NPR1: variants seen among roughly 807,000 people sequenced by gnomAD.
NPR1 encodes the protein natriuretic peptide receptor 1.
NPR1 carries 57 observed loss-of-function variants against 116.9 expected under a neutral mutation model. The ratio of observed to expected loss-of-function variants is 0.49; its 90% CI spans 0.39 to 0.61. The LOEUF (loss-of-function observed/expected upper bound fraction) is 0.61. Ranked by LOEUF, NPR1 falls within the 20% of genes least tolerant of loss-of-function variation. NPR1 has a pLI of 0.00. For synonymous variants in NPR1, 555 were observed against 601.6 expected (o/e 0.92, Z 1.13); for missense variants, 1,096 against 1,409.8 (o/e 0.78, Z 3.56).
chr1:153,679,212 TGACGGTA>T lies in NPR1; in HGVS notation c.106_112del (p.Thr36ProfsTer29). On this transcript the variant is annotated frameshift_variant, in exon 1 of 22. Transcript: ENST00000368680. LOFTEE classifies it high-confidence loss of function. The surrounding 1 kb of genome is among the most constrained non-coding windows in gnomAD (Gnocchi z 4.2). ...CTCCGGGGCAGCCACGCGGGCAACCTGACGGTAGCCGTGGTACTGCCGCTGGCCAATA... is the reference window on the plus strand; with the variant it reads ...CTCCGGGGCAGCCACGCGGGCAACCTGCCGTGGTACTGCCGCTGGCCAATA... 1 of 1,520,888 alleles carries T rather than the reference TGACGGTA, an allele frequency of 6.6e-7. No individual in the cohort carries two copies. Among genetic ancestry groups the T allele is most frequent in the Non-Finnish European group, 8.8e-7 (1 of 1,138,884 alleles). 94.2% of individuals were successfully genotyped at this position (1,520,888 alleles called of 1,614,324 possible).
rs569549554 is a variant in NPR1, at chr1:153,682,991, G to A, written c.1264-385G>A. ...ATCCAGAGAAGGCCTCCTGGAAGAC[G>A]GGCACATGGACTGGGCCTGCGAATG... On this transcript the variant is annotated intron_variant, in intron 5 of 21. Transcript: ENST00000368680. Among the ~76,000 whole-genome samples, 14 of 152,346 alleles carry A rather than the reference G, an allele frequency of 9.2e-5. No homozygotes were observed. The South Asian group carries it at 1.9e-3, about 20-fold the overall frequency.
chr1:153,682,431 G>A, intron 4 of NPR1, 67 bp from the exon 5 acceptor site: 1 of 1,125,194 alleles, frequency 8.9e-7, no homozygotes, highest in Non-Finnish European at 1.4e-6. Flanking sequence ...AGAGGATGAA[G>A]AGATGAAGTG....
chr1:153,688,880 C>T (rs1239629203), intron 15 of NPR1, 73 bp from the exon 16 acceptor site: 4 of 1,575,084 alleles, frequency 2.5e-6, no homozygotes, highest in African/African-American at 2.8e-5. Flanking sequence ...GGGGGAAGTG[C>T]CTAGGGGCGG....
Position 153,693,693 on chromosome 1 carries a change from G to A in NPR1, c.*279G>A, listed in dbSNP as rs770609458. The A allele has an allele frequency of 9.1e-5, 38 of 416,922 alleles. No homozygotes were observed. The highest frequency in any genetic ancestry group is 3.6e-4 in the South Asian group (4 of 11,082). 25.8% of individuals were successfully genotyped at this position (416,922 alleles called of 1,614,324 possible). On this transcript the variant is annotated 3_prime_UTR_variant, in exon 22 of 22. Coordinates refer to ENST00000368680, the MANE Select transcript of NPR1 (RefSeq NM_000906.4). Reference sequence around the variant, plus strand: ...TGCTCTCCACCTGGACTCAGGCCGGGCTGGGCTGTGGATTCCTGATCCCCT... The same window carrying A: ...TGCTCTCCACCTGGACTCAGGCCGGACTGGGCTGTGGATTCCTGATCCCCT...
At chr1:153,686,923 G>A in intron 11 of NPR1, 93 bp from the exon 12 acceptor site, 2 of 1,411,664 alleles carry the variant, frequency 1.4e-6, no homozygotes, top group Non-Finnish European at 2.0e-6. Flanking sequence ...GTTTTGTCCT[G>A]TTCTACCAGT....
At position 153,688,044 on chromosome 1, in the gene NPR1, C is replaced by G. The variant is rs143506488; in HGVS notation, c.2249-9C>G. ...CCCACCCCTCAGCTCCTCTACCCCC[C>G]CAATACAGAGATCATCGAGCGGGTG... On this transcript the variant is annotated splice_polypyrimidine_tract_variant and intron_variant, in intron 14 of 21. Coordinates refer to ENST00000368680, the MANE Select transcript of NPR1 (RefSeq NM_000906.4). The G allele has an allele frequency of 8.8e-6, 14 of 1,598,326 alleles. No individual in the cohort carries two copies. The highest frequency in any genetic ancestry group is 1.2e-5 in the Non-Finnish European group (14 of 1,169,998).
In NPR1 at chr1:153,688,138, G is replaced by A. The variant is rs749559445; in HGVS notation, c.2334G>A (p.Leu778=). The A allele has an allele frequency of 6.8e-6, 11 of 1,613,740 alleles. No homozygotes were observed. The highest frequency in any genetic ancestry group is 8.5e-6 in the Non-Finnish European group (10 of 1,179,866). The change falls in exon 15 of 22, where the codon CTG becomes CTA. Residue 778 remains leucine (L), a synonymous_variant. Coordinates refer to ENST00000368680, the MANE Select transcript of NPR1 (RefSeq NM_000906.4). ...ALQSHLEELG[L]LMQRCWAEDP... ...AGAGTCACCTGGAGGAGTTGGGGCT[G>A]CTCATGCAGCGGTGCTGGGCTGAGG... is the stretch of plus-strand genomic sequence containing the variant.
At chr1:153,691,385 G>A (rs1279023111) in intron 20 of NPR1, among the ~76,000 whole-genome samples, 1 of 152,200 alleles carries the variant, frequency 6.6e-6, no homozygotes, top group African/African-American at 2.4e-5. Flanking sequence ...TGACTACTGA[G>A]TGCCAGGCCC....
Position 153,693,155 on chromosome 1 carries a change from T to G in NPR1, c.3081T>G (p.Phe1027Leu). 1 of 1,614,094 alleles carries G rather than the reference T, an allele frequency of 6.2e-7. No individual in the cohort carries two copies. The highest frequency in any genetic ancestry group is 8.5e-7 in the Non-Finnish European group (1 of 1,179,980). Residue 1027 changes from phenylalanine to leucine, a missense_variant, in exon 21 of 22, where the codon TTT (phenylalanine) becomes TTG (leucine). Coordinates refer to ENST00000368680, the MANE Select transcript of NPR1 (RefSeq NM_000906.4). ...AGACCAAGGCTGTCCTGGAGGAGTT[T>G]GGTGGTTTCGAGCTGGAGCTTCGAG... ...SSETKAVLEE[F>L]GGFELELRGD... is the part of the protein sequence containing the mutation.
Position 153,679,555 on chromosome 1 carries a change from G to T in NPR1, c.447G>T (p.Lys149Asn), listed in dbSNP as rs1669702416. The T allele has an allele frequency of 1.3e-6, 2 of 1,550,202 alleles. No homozygotes were observed. Among genetic ancestry groups the T allele is most frequent in the African/African-American group, 2.7e-5 (2 of 73,408 alleles). ...AGAPALGFGV[K>N]DEYALTTRAG... ...CCCCGGCGCTGGGCTTCGGTGTCAA[G>T]GACGAGTATGCGCTGACCACCCGCG... The change falls in exon 1 of 22, where the codon AAG becomes AAT. Residue 149 changes from lysine (K) to asparagine (N), a missense_variant. By Grantham distance (94) the Lys-to-Asn change is moderately conservative. Transcript: ENST00000368680. The surrounding 1 kb of genome is among the most constrained non-coding windows in gnomAD (Gnocchi z 4.2).
chr1:153,686,628 T>G lies in NPR1; in HGVS notation c.1759-18T>G. ...AGCGAGGTCTCTGTCAAGCTCCTGA[T>G]GCTGGTCCCACTTGCAGATGCGGGA... On this transcript the variant is annotated intron_variant, in intron 10 of 21. Transcript: ENST00000368680. The G allele has an allele frequency of 1.2e-6, 2 of 1,609,392 alleles. No homozygotes were observed. The highest frequency in any genetic ancestry group is 2.2e-5 in the South Asian group (2 of 90,674).
chr1:153,685,207 C>G, intron 8 of NPR1, 123 bp downstream of exon 8: 6 of 1,312,446 alleles, frequency 4.6e-6, no homozygotes, highest in South Asian at 1.5e-5. Flanking sequence ...TGCTGTGTGA[C>G]CTTGAGCGAC....
At position 153,689,591 on chromosome 1, in the gene NPR1, G is replaced by C; in HGVS notation, c.2757+70G>C. 6.9e-7 allele frequency: 1 copy of C among 1,451,460 alleles called. No homozygotes were observed. The highest frequency in any genetic ancestry group is 9.7e-7 in the Non-Finnish European group (1 of 1,034,900). 89.9% of individuals were successfully genotyped at this position (1,451,460 alleles called of 1,614,324 possible). On this transcript the variant is annotated intron_variant, in intron 18 of 21. Coordinates refer to ENST00000368680, the MANE Select transcript of NPR1 (RefSeq NM_000906.4). This position sits in a 1 kb window ranked among gnomAD's most constrained non-coding sequence, Gnocchi z 5.1. The stretch of plus-strand genomic sequence containing the variant: ...AAGGTCAGAAAAAGATGAGGGGTAG[G>C]CAGAATGATGTGGAGTCTTAAGAGA...
chr1:153,683,291 G>C, intron 5 of NPR1, 85 bp from the exon 6 acceptor site: 2 of 1,471,726 alleles, frequency 1.4e-6, no homozygotes, highest in Non-Finnish European at 1.8e-6. Context: ...AGCAGAGCTG[G>C]GGTAGGTGGG....
In NPR1 at chr1:153,693,335, C is replaced by G. The variant is rs1343598735; in HGVS notation, c.3124-17C>G. The G allele has an allele frequency of 1.2e-6, 2 of 1,612,308 alleles. No homozygotes were observed. Among genetic ancestry groups the G allele is most frequent in the East Asian group, 2.2e-5 (1 of 44,824 alleles). ...GGCATGTGCCACTCCCCAGCCCATC[C>G]TCTTTTTTCCCTCCAGGGCAAAGGC... On this transcript the variant is annotated splice_polypyrimidine_tract_variant and intron_variant, in intron 21 of 21. Transcript: ENST00000368680.
At chr1:153,693,070 C>A in intron 20 of NPR1, 36 bp from the exon 21 acceptor site, 1 of 1,542,116 alleles carries the variant, frequency 6.5e-7, no homozygotes, top group Non-Finnish European at 8.9e-7. Context: ...TCCTCTCTCA[C>A]ATTGCTCACC....
Position 153,689,821 on chromosome 1 carries a change from G to A in NPR1, c.2773G>A (p.Asp925Asn). 1 of 1,570,490 alleles carries A rather than the reference G, an allele frequency of 6.4e-7. No individual in the cohort carries two copies. Among genetic ancestry groups the A allele is most frequent in the Non-Finnish European group, 8.7e-7 (1 of 1,153,118 alleles). ...FDVYKVETIG[D>N]AYMVVSGLPV... ...ACTCCCACAGGTGGAGACAATTGGCGATGCCTACATGGTGGTGTCAGGGCT... is the reference window on the plus strand; with the variant it reads ...ACTCCCACAGGTGGAGACAATTGGCAATGCCTACATGGTGGTGTCAGGGCT... The change falls in exon 19 of 22, where the codon GAT (aspartate) becomes AAT (asparagine). Residue 925 changes from aspartate to asparagine, a missense_variant. Physicochemically the swap from Asp to Asn is conservative, Grantham distance 23. Coordinates refer to ENST00000368680, the MANE Select transcript of NPR1 (RefSeq NM_000906.4). The surrounding 1 kb of genome is among the most constrained non-coding windows in gnomAD (Gnocchi z 5.1).
rs1206199799 is a variant in NPR1, at chr1:153,679,265, G to A, written c.157G>A (p.Ala53Thr). ...LANTSYPWSW[A>T]RVGPAVELAL... Reference sequence around the variant, plus strand: ...CAATACCTCGTACCCCTGGTCGTGGGCGCGCGTGGGACCCGCCGTGGAGCT... The same window carrying A: ...CAATACCTCGTACCCCTGGTCGTGGACGCGCGTGGGACCCGCCGTGGAGCT... The change falls in exon 1 of 22, where the codon GCG becomes ACG. Residue 53 changes from alanine to threonine, a missense_variant. Physicochemically the swap from Ala to Thr is moderately conservative, Grantham distance 58 (BLOSUM62 0). Transcript: ENST00000368680. This position sits in a 1 kb window ranked among gnomAD's most constrained non-coding sequence, Gnocchi z 4.2. The A allele has an allele frequency of 1.9e-5, 29 of 1,528,178 alleles. No individual in the cohort carries two copies. The highest frequency in any genetic ancestry group is 2.5e-5 in the Non-Finnish European group (29 of 1,142,798). The allele number at this position is 1,528,178 out of a possible 1,614,324, so 94.7% of individuals were successfully genotyped here. A position where few individuals can be genotyped will look rare whatever the true frequency, so the allele number is the denominator to read the frequency against.
At chr1:153,686,599 G>A in intron 10 of NPR1, 47 bp from the exon 11 acceptor site, 4 of 1,490,886 alleles carry the variant, frequency 2.7e-6, no homozygotes, top group Non-Finnish European at 3.7e-6. Flanking sequence ...GCAGCTTGGT[G>A]AGGAGCGAGG....
Sources: gnomAD v4.1 joint callset for allele counts (sites outside exome capture counted in the v4.1 genomes callset) on GRCh38, gnomAD v4.1.1 for gene constraint, Gnocchi (gnomAD v3.1) non-coding constraint, MANE v1.5 for transcripts, NCBI Gene and HGNC (gene_info 2026-07-23, HGNC 2026-07-21) for gene names.